The following RTL9 variants were observed in gnomAD, a reference collection of about 807,000 sequenced individuals.
The protein encoded by RTL9 is retrotransposon Gag-like protein 9.
Under a neutral mutation model 44.7 loss-of-function variants are expected in RTL9, and 19 were observed. The ratio of observed to expected loss-of-function variants is 0.42; its 90% CI spans 0.30 to 0.62. RTL9 has a LOEUF of 0.62. Ranked by LOEUF, RTL9 falls within the 20% of genes least tolerant of loss-of-function variation. The pLI, the probability that RTL9 is intolerant of heterozygous loss-of-function variation, is 0.16. For missense variants in RTL9, 1,105 were observed against 1,080.6 expected (o/e 1.02, Z -0.32); for synonymous variants, 407 against 398.9 (o/e 1.02, Z -0.24).
chrX:110,378,393 C>T (rs1030851326), intron 1 of RTL9, among the ~76,000 whole-genome samples: 3 of 111,612 alleles, frequency 2.7e-5, no homozygotes, highest in Non-Finnish European at 5.6e-5. Context: ...CACATCCAAT[C>T]TCCCCATATC....
At chrX:110,361,386 T>A (rs980975241) in intron 1 of RTL9, among the ~76,000 whole-genome samples, 4 of 111,627 alleles carry the variant, frequency 3.6e-5, no homozygotes, top group African/African-American at 1.3e-4. Context: ...GCCTCTCAAC[T>A]GTTCTCCTTG....
chrX:110,395,948 C>T (rs1211433927), intron 1 of RTL9, among the ~76,000 whole-genome samples: 2 of 111,940 alleles, frequency 1.8e-5, no homozygotes, highest in Non-Finnish European at 3.8e-5. Flanking sequence ...TATGGAAGAA[C>T]TTATCAGACA....
At chrX:110,383,572 G>C (rs2068435105) in intron 1 of RTL9, among the ~76,000 whole-genome samples, 1 of 111,032 alleles carries the variant, frequency 9.0e-6, no homozygotes, top group Non-Finnish European at 1.9e-5. Context: ...CTAAACTCCA[G>C]TCATACTGAA....
intron 1 of RTL9, among the ~76,000 whole-genome samples, chrX:110,393,932 A>G (rs2068511766): frequency 8.9e-6 from 1 of 112,484 alleles, no homozygotes; most frequent in South Asian, 3.7e-4. Flanking sequence ...CGTAAAGTAC[A>G]CAATGACCAT....
intron 1 of RTL9, among the ~76,000 whole-genome samples, chrX:110,390,521 T>C (rs1372722083): frequency 1.8e-5 from 2 of 111,605 alleles, no homozygotes; most frequent in Non-Finnish European, 3.8e-5. Context: ...TCAGATCTCA[T>C]GTACCTAGGT....
chrX:110,437,062 T>C (rs2068843841), intron 1 of RTL9, among the ~76,000 whole-genome samples: 1 of 112,203 alleles, frequency 8.9e-6, no homozygotes, highest in African/African-American at 3.2e-5. Context: ...GGAAGTGATT[T>C]CACGAATCTT....
chrX:110,391,508 A>C (rs1417593990), intron 1 of RTL9, among the ~76,000 whole-genome samples: 1 of 112,120 alleles, frequency 8.9e-6, no homozygotes, highest in Non-Finnish European at 1.9e-5. Context: ...GCAGCTTCCC[A>C]GTACTACTTT....
At chrX:110,408,645 T>C (rs1439368288) in intron 1 of RTL9, among the ~76,000 whole-genome samples, 2 of 112,428 alleles carry the variant, frequency 1.8e-5, no homozygotes, top group Non-Finnish European at 3.8e-5. Flanking sequence ...CACAGACTCA[T>C]TCACCATTTC....
At chrX:110,419,189 T>C (rs984667300) in intron 1 of RTL9, 6 of 112,375 alleles carry the variant, frequency 5.3e-5, no homozygotes, top group African/African-American at 1.9e-4. Flanking sequence ...AAAATGCATG[T>C]ACTAATCCTG....
intron 1 of RTL9, among the ~76,000 whole-genome samples, chrX:110,438,587 G>A (rs2148338810): frequency 9.0e-6 from 1 of 111,578 alleles, no homozygotes; most frequent in Admixed American, 9.5e-5. Flanking sequence ...AGGCGGTAGT[G>A]AAGTCAGAAA....
chrX:110,382,318 T>C (rs2068425705), intron 1 of RTL9, among the ~76,000 whole-genome samples: 1 of 108,294 alleles, frequency 9.2e-6, no homozygotes, highest in African/African-American at 3.5e-5. Context: ...AACGTTCCAA[T>C]TGTACAGGAA....
At chrX:110,404,977 T>C (rs188392571) in intron 1 of RTL9, among the ~76,000 whole-genome samples, 2 of 110,988 alleles carry the variant, frequency 1.8e-5, no homozygotes, top group East Asian at 5.6e-4. Context: ...TTTCTCCTAA[T>C]AGCCTAAAGT....
upstream of RTL9, among the ~76,000 whole-genome samples, chrX:110,446,738 T>C (rs1253755634): frequency 8.9e-6 from 1 of 111,914 alleles, no homozygotes; most frequent in Non-Finnish European, 1.9e-5. Context: ...CATTAGAATA[T>C]ATTTTCAATG....
upstream of RTL9, among the ~76,000 whole-genome samples, chrX:110,417,971 A>G (rs1303157435): frequency 2.7e-5 from 3 of 112,791 alleles, no homozygotes; most frequent in Admixed American, 2.8e-4. Context: ...GGGCAAGAGC[A>G]ATGAATTGTG....
chrX:110,453,829 C>T lies in RTL9; in HGVS notation c.3212C>T (p.Thr1071Ile). ...GCCACAGACTCTAGAGGGATGTCCA[C>T]ACCACTAATGAGGGCCTCAGGCCCT... is the stretch of plus-strand genomic sequence containing the variant. Residue 1071 changes from threonine (T) to isoleucine (I), a missense_variant, in exon 1 of 2, where the codon ACA becomes ATA. Transcript: ENST00000540313. The T allele has an allele frequency of 4.1e-6, 5 of 1,211,542 alleles. No individual in the cohort carries two copies. Among genetic ancestry groups the T allele is most frequent in the Non-Finnish European group, 5.6e-6 (5 of 895,159 alleles).
intron 1 of RTL9, among the ~76,000 whole-genome samples, chrX:110,412,202 C>T (rs1489581932): frequency 1.8e-5 from 2 of 112,480 alleles, no homozygotes; most frequent in Non-Finnish European, 3.8e-5. Flanking sequence ...TGAAACAGCA[C>T]ACTCATTCAC....
intron 1 of RTL9, among the ~76,000 whole-genome samples, chrX:110,377,343 T>C (rs985747645): frequency 8.9e-6 from 1 of 111,753 alleles, no homozygotes; most frequent in Non-Finnish European, 1.9e-5. Context: ...TTCCGTGAAA[T>C]GGCCAGAATA....
intron 1 of RTL9, among the ~76,000 whole-genome samples, chrX:110,399,514 T>A (rs763306966): frequency 1.8e-4 from 20 of 112,655 alleles, no homozygotes; most frequent in Non-Finnish European, 3.4e-4. Flanking sequence ...CTTACTAATT[T>A]TCTTAAAAAG....
chrX:110,445,798 G>C (rs1032864583), upstream of RTL9, among the ~76,000 whole-genome samples: 1 of 111,978 alleles, frequency 8.9e-6, no homozygotes, highest in Non-Finnish European at 1.9e-5. Flanking sequence ...ACACCTCCTA[G>C]CCGTATTGAT....
Sources: allele counts gnomAD v4.1 joint callset (sites outside exome capture counted in the v4.1 genomes callset), GRCh38; gene constraint gnomAD v4.1.1; transcripts MANE v1.5; gene names NCBI Gene and HGNC (gene_info 2026-07-23, HGNC 2026-07-21).